CWH43: variants seen among roughly 807,000 people sequenced by gnomAD.
CWH43 encodes PGAP2-interacting protein.
CWH43 carries 91 observed loss-of-function variants against 85.7 expected under a neutral mutation model. The ratio of observed to expected loss-of-function variants is 1.06; its 90% confidence interval spans 0.90 to 1.26. CWH43 has a LOEUF of 1.26. Ranked by LOEUF, CWH43 falls within the 50% of genes most tolerant of loss-of-function variation. The probability of loss-of-function intolerance (pLI) is 0.00; values close to 1 mark genes in which losing one functional copy is unlikely to be tolerated. For missense variants in CWH43, 869 were observed against 839.2 expected (o/e 1.04, Z -0.44); for synonymous variants, 323 against 293.6 (o/e 1.10, Z -1.02).
rs1013171825 is a variant in CWH43, at chr4:49,057,167, A to T, written c.2022-4645A>T. 2.8e-4 allele frequency among the ~76,000 whole-genome samples: 42 copies of T among 152,342 alleles called. 1 individual carries two copies. The highest frequency in any genetic ancestry group is 1.8e-3 in the Admixed American group (28 of 15,300). ...TTTATTTTGCCAAAGTTAAGGATGC[A>T]CACCTGTGACACAGCCTCAGGAGGT... is the stretch of plus-strand genomic sequence containing the variant. On this transcript the variant is annotated intron_variant, in intron 15 of 15. Coordinates refer to ENST00000226432, the MANE Select transcript of CWH43 (RefSeq NM_025087.3).
intron 5 of CWH43, among the ~76,000 whole-genome samples, chr4:48,996,849 T>G (rs1479426625): frequency 6.6e-6 from 1 of 152,202 alleles, no homozygotes; most frequent in Admixed American, 6.5e-5. Context: ...TAATCCTGTA[T>G]GTTAGAATGA....
Position 49,003,837 on chromosome 4 carries a change from T to C in CWH43, c.905T>C (p.Leu302Pro). 2 of 1,614,026 alleles carry C rather than the reference T, an allele frequency of 1.2e-6. No individual in the cohort carries two copies. Among genetic ancestry groups the C allele is most frequent in the Middle Eastern group, 1.7e-4 (1 of 6,060 alleles). Residue 302 changes from leucine (L) to proline (P), a missense_variant, in exon 7 of 16, where the codon CTT becomes CCT. Around this residue, in one of 3 missense-constraint regions of CWH43, gnomAD observed 577 missense variants for 513.1 expected, o/e 1.12. Transcript: ENST00000226432. ...ACTGCATCCATGTGGCCCCAAACAC[T>C]TGGACACCTTATTAACTCAGGGACA... ...IFTASMWPQT[L>P]GHLINSGTNP...
chr4:49,048,706 C>G (rs1042471241), intron 14 of CWH43, among the ~76,000 whole-genome samples: 2 of 151,850 alleles, frequency 1.3e-5, no homozygotes, highest in African/African-American at 4.8e-5. Flanking sequence ...TAGGATCAGG[C>G]CCCCCCTGCA....
chr4:49,016,578 A>G, intron 8 of CWH43: 5 of 712,414 alleles, frequency 7.0e-6, no homozygotes, highest in Admixed American at 7.0e-5. Flanking sequence ...GGGTGAAGAT[A>G]TAAACAGTAA....
At chr4:49,060,740 A>T (rs899695858) in intron 15 of CWH43, among the ~76,000 whole-genome samples, 1 of 152,152 alleles carries the variant, frequency 6.6e-6, no homozygotes, top group Non-Finnish European at 1.5e-5. Flanking sequence ...TCTTGTGAAG[A>T]TATTTTTGTG....
intron 6 of CWH43, among the ~76,000 whole-genome samples, chr4:49,001,703 G>A (rs1293448638): frequency 2.0e-5 from 3 of 151,952 alleles, no homozygotes; most frequent in Non-Finnish European, 4.4e-5. Context: ...AAAATATAGA[G>A]CCTATTTAAA....
chr4:48,997,559 T>A (rs1782852561), intron 5 of CWH43, among the ~76,000 whole-genome samples: 1 of 152,148 alleles, frequency 6.6e-6, no homozygotes, highest in Non-Finnish European at 1.5e-5. Context: ...CCTCTTCTCA[T>A]ATTTGGTCTT....
At chr4:49,056,460 A>G (rs1440087296) in intron 15 of CWH43, among the ~76,000 whole-genome samples, 3 of 152,026 alleles carry the variant, frequency 2.0e-5, no homozygotes, top group Non-Finnish European at 4.4e-5. Flanking sequence ...TTGGCATATT[A>G]TTGCTCATAG....
At chr4:49,017,434 C>T in intron 9 of CWH43, 106 bp downstream of exon 9, 2 of 729,274 alleles carry the variant, frequency 2.7e-6, no homozygotes, top group South Asian at 2.1e-5. Context: ...GACTTCAGAG[C>T]CCTGGGCCCT....
At chr4:48,993,085 C>T (rs991315030) in intron 4 of CWH43, among the ~76,000 whole-genome samples, 2 of 152,184 alleles carry the variant, frequency 1.3e-5, no homozygotes, top group African/African-American at 2.4e-5. Context: ...TATCTGGCCT[C>T]TGTTTTAAAT....
chr4:48,990,345 A>T (rs778314122), intron 2 of CWH43, among the ~76,000 whole-genome samples: 2 of 152,208 alleles, frequency 1.3e-5, no homozygotes, highest in Admixed American at 6.5e-5. Flanking sequence ...GTGCTGTTCC[A>T]GGTGACCATT....
At position 49,038,019 on chromosome 4, in the gene CWH43, A is replaced by G. The variant is rs1784312718; in HGVS notation, c.1659-17A>G. The G allele has an allele frequency of 1.3e-6, 2 of 1,587,420 alleles. No individual in the cohort carries two copies. Among genetic ancestry groups the G allele is most frequent in the African/African-American group, 1.4e-5 (1 of 73,340 alleles). On this transcript the variant is annotated splice_polypyrimidine_tract_variant and intron_variant, in intron 12 of 15. Transcript: ENST00000226432. ...TTTTACAAATACAATAAAGGGTCAT[A>G]TTTTTACATTTTTTAGAGATGACCT...
intron 6 of CWH43, 152 bp from the exon 7 acceptor site, chr4:49,003,583 T>C (rs1783059683): frequency 1.4e-6 from 1 of 722,784 alleles, no homozygotes; most frequent in Admixed American, 2.4e-5. Context: ...ATTAGGCAAA[T>C]CACATTAACC....
At chr4:49,031,380 T>C (rs979333944) in intron 11 of CWH43, 8 of 155,438 alleles carry the variant, frequency 5.1e-5, no homozygotes, top group Non-Finnish European at 1.1e-4. Context: ...AATGCTACTA[T>C]AGGTAGGGTG....
intron 15 of CWH43, among the ~76,000 whole-genome samples, chr4:49,058,323 AAAC>A (rs1162177551): frequency 6.6e-6 from 1 of 152,144 alleles, no homozygotes; most frequent in African/African-American, 2.4e-5. Flanking sequence ...TTTAAGCTGA[AAAC>A]AACTTTGTCT....
At chr4:49,022,734 T>C (rs1783791849) in intron 9 of CWH43, among the ~76,000 whole-genome samples, 1 of 152,126 alleles carries the variant, frequency 6.6e-6, no homozygotes. Context: ...TGCTTTTCAT[T>C]GGTTTGTTCA....
chr4:49,030,600 G>T (rs765502216), intron 10 of CWH43, among the ~76,000 whole-genome samples: 3 of 152,162 alleles, frequency 2.0e-5, no homozygotes, highest in Admixed American at 1.3e-4. Context: ...ATCCTTCTTG[G>T]TAGTTCCTGG....
chr4:49,029,079 T>A (rs1784009479), intron 10 of CWH43, among the ~76,000 whole-genome samples: 1 of 152,134 alleles, frequency 6.6e-6, no homozygotes, highest in Non-Finnish European at 1.5e-5. Flanking sequence ...ACCAGAAGAC[T>A]TGGATCAAAA....
At chr4:48,988,878 A>G (rs1782571620) in intron 2 of CWH43, among the ~76,000 whole-genome samples, 1 of 152,210 alleles carries the variant, frequency 6.6e-6, no homozygotes, top group Non-Finnish European at 1.5e-5. Flanking sequence ...TCCAGACTAG[A>G]AAGACCTAAA....
Sources: gnomAD v4.1 joint callset for allele counts (sites outside exome capture counted in the v4.1 genomes callset) on GRCh38, gnomAD v4.1.1 for gene constraint, gnomAD v4.1.1 regional missense constraint, MANE v1.5 for transcripts, NCBI Gene and HGNC (gene_info 2026-07-23, HGNC 2026-07-21) for gene names.